The following CLIC5 variants were observed in gnomAD, a reference collection of about 807,000 sequenced individuals.
CLIC5 encodes chloride intracellular channel protein 5.
A neutral mutation model predicts 24.7 loss-of-function variants in CLIC5; 20 were observed. The ratio of observed to expected loss-of-function variants is 0.81; its 90% CI spans 0.57 to 1.18. CLIC5 has a LOEUF of 1.18. Ranked by LOEUF, CLIC5 falls within the 50% of genes most tolerant of loss-of-function variation. CLIC5 has a pLI of 0.00. For missense variants in CLIC5, 341 were observed against 326.1 expected (o/e 1.05, Z -0.35); for synonymous variants, 159 against 135.6 (o/e 1.17, Z -1.20).
In CLIC5 at chr6:45,928,795, T is replaced by TGTGTGTGTGTGTGTGTGTGG. The variant is rs200432038; in HGVS notation, c.406+12751_406+12752insCCACACACACACACACACAC. 9.3e-4 allele frequency among the ~76,000 whole-genome samples: 138 copies of TGTGTGTGTGTGTGTGTGTGG among 148,484 alleles called. 1 individual carries two copies. The highest frequency in any genetic ancestry group is 3.4e-3 in the Middle Eastern group (1 of 292). ...GTGTGTGTGTGTGTGTGTGTGTGTG[T>TGTGTGTGTGTGTGTGTGTGG]AGAGAGAGAGAGATTGAGAAACGTA... On this transcript the variant is annotated intron_variant, in intron 4 of 5. Coordinates refer to ENST00000339561, the MANE Select transcript of CLIC5 (RefSeq NM_016929.5).
intron 1 of CLIC5, among the ~76,000 whole-genome samples, chr6:46,073,779 T>C (rs527733217): frequency 3.3e-5 from 5 of 152,362 alleles, no homozygotes; most frequent in Non-Finnish European, 5.9e-5. Flanking sequence ...GCCATACACA[T>C]GTGAGTGTTG....
chr6:45,919,326 G>T (rs946816272), intron 4 of CLIC5, among the ~76,000 whole-genome samples: 2 of 152,142 alleles, frequency 1.3e-5, no homozygotes, highest in Non-Finnish European at 2.9e-5. Flanking sequence ...TTTGGAAAGC[G>T]AATACAGGTT....
upstream of CLIC5, among the ~76,000 whole-genome samples, chr6:46,020,548 A>C (rs1017873690): frequency 1.3e-5 from 2 of 152,010 alleles, no homozygotes; most frequent in Admixed American, 1.3e-4. Flanking sequence ...AAACCAAAGC[A>C]AGCAAAAATA....
At chr6:46,054,158 G>A (rs572983931) in intron 1 of CLIC5, among the ~76,000 whole-genome samples, 1 of 152,228 alleles carries the variant, frequency 6.6e-6, no homozygotes, top group Admixed American at 6.5e-5. Context: ...CCAGTCAAAC[G>A]AGGGACCGAC....
chr6:46,015,397 G>T, intron 1 of CLIC5, 83 bp downstream of exon 1: 1 of 1,364,838 alleles, frequency 7.3e-7, no homozygotes, highest in East Asian at 3.0e-5. Context: ...GGGAGGGTCC[G>T]GAGTCCAGCG....
the CLIC5 span, among the ~76,000 whole-genome samples, chr6:46,102,047 T>C: frequency 2.0e-5 from 3 of 152,264 alleles, no homozygotes; most frequent in South Asian, 4.1e-4. Flanking sequence ...TAGGTTATAT[T>C]AATTTCACGG....
the CLIC5 span, among the ~76,000 whole-genome samples, chr6:46,112,013 T>TTATAAGTTAACCAGTCTCAAG: frequency 6.6e-6 from 1 of 151,068 alleles, no homozygotes; most frequent in South Asian, 2.1e-4. Context: ...CTCTTTTTCT[T>TTATAAGTTAACCAGTCTCAAG]TATAAATTAA....
intron 3 of CLIC5, among the ~76,000 whole-genome samples, chr6:45,945,550 A>G (rs1764263193): frequency 1.3e-5 from 2 of 152,160 alleles, no homozygotes; most frequent in South Asian, 4.1e-4. Context: ...TACAGGATGG[A>G]AGAGGGCCAC....
chr6:46,019,555 G>T (rs1175292124), upstream of CLIC5, among the ~76,000 whole-genome samples: 3 of 150,310 alleles, frequency 2.0e-5, no homozygotes, highest in Non-Finnish European at 4.4e-5. Context: ...GCGCGGTGGC[G>T]GGCGCCTGTA....
At chr6:46,082,954 A>C (rs1322380750), upstream of CLIC5, among the ~76,000 whole-genome samples, 1 of 152,206 alleles carries the variant, frequency 6.6e-6, no homozygotes, top group African/African-American at 2.4e-5. Context: ...TCATTATCTC[A>C]AGTACCTAGA....
intron 1 of CLIC5, among the ~76,000 whole-genome samples, chr6:46,037,318 G>C (rs1335942244): frequency 6.6e-6 from 1 of 152,194 alleles, no homozygotes; most frequent in Non-Finnish European, 1.5e-5. Flanking sequence ...TGAAGGAGCA[G>C]ATTGCTTCAG....
At chr6:46,031,957 C>T (rs1767515578) in intron 1 of CLIC5, among the ~76,000 whole-genome samples, 1 of 148,170 alleles carries the variant, frequency 6.7e-6, no homozygotes, top group African/African-American at 2.5e-5. Context: ...CACACACACA[C>T]AACAAATATA....
chr6:46,048,401 C>T (rs1768014486), intron 1 of CLIC5, among the ~76,000 whole-genome samples: 1 of 152,196 alleles, frequency 6.6e-6, no homozygotes, highest in Non-Finnish European at 1.5e-5. Flanking sequence ...GCTGCCTCTG[C>T]TCCTAACCCA....
intron 1 of CLIC5, among the ~76,000 whole-genome samples, chr6:46,026,185 G>A (rs1375928655): frequency 6.6e-6 from 1 of 152,102 alleles, no homozygotes; most frequent in African/African-American, 2.4e-5. Flanking sequence ...GAGATGAACA[G>A]CATTGGTCTA....
intron 1 of CLIC5, among the ~76,000 whole-genome samples, chr6:45,996,580 C>T (rs1475119301): frequency 1.3e-5 from 2 of 151,908 alleles, no homozygotes; most frequent in African/African-American, 4.8e-5. Context: ...GCCAGTTTTC[C>T]CAGCACCATT....
At chr6:45,911,758 C>T in intron 5 of CLIC5, 1 of 985,414 alleles carries the variant, frequency 1.0e-6, no homozygotes, top group Non-Finnish European at 1.2e-6. Flanking sequence ...CAGGGCTGAA[C>T]ATCGTCACTA....
At chr6:46,026,635 A>T (rs1318795388) in intron 1 of CLIC5, among the ~76,000 whole-genome samples, 1 of 152,154 alleles carries the variant, frequency 6.6e-6, no homozygotes, top group Non-Finnish European at 1.5e-5. Flanking sequence ...TTCTTCAAAT[A>T]TCTCAATTTC....
At chr6:46,041,143 G>A (rs1428860736) in intron 1 of CLIC5, among the ~76,000 whole-genome samples, 1 of 152,180 alleles carries the variant, frequency 6.6e-6, no homozygotes, top group East Asian at 1.9e-4. Flanking sequence ...AACTATGTTA[G>A]AATACACAAA....
At chr6:45,884,292 G>C (rs577330588) in intron 6 of CLIC5, among the ~76,000 whole-genome samples, 1 of 152,164 alleles carries the variant, frequency 6.6e-6, no homozygotes, top group African/African-American at 2.4e-5. Context: ...GGAGAAACCA[G>C]CCTTGTTTAC....
Sources: gnomAD v4.1 joint callset for allele counts (sites outside exome capture counted in the v4.1 genomes callset) on GRCh38, gnomAD v4.1.1 for gene constraint, MANE v1.5 for transcripts, NCBI Gene and HGNC (gene_info 2026-07-23, HGNC 2026-07-21) for gene names.